The following PLEKHM2 variants were observed in gnomAD, a reference collection of about 807,000 sequenced individuals.
The protein encoded by PLEKHM2 is pleckstrin homology domain-containing family M member 2.
Under a neutral mutation model 116.3 loss-of-function variants are expected in PLEKHM2, and 77 were observed. That is an observed-to-expected ratio of 0.66 (90% CI 0.55 to 0.80). The LOEUF (loss-of-function observed/expected upper bound fraction) is 0.80. Among genes scored for constraint, PLEKHM2 ranks in the 30% least tolerant of loss-of-function variants. The pLI, the probability that PLEKHM2 is intolerant of heterozygous loss-of-function variation, is 0.00. For synonymous variants in PLEKHM2, 562 were observed against 571.0 expected (o/e 0.98, Z 0.22); for missense variants, 1,183 against 1,354.9 (o/e 0.87, Z 1.99).
At chr1:15,710,917 G>A (rs113639621) in intron 1 of PLEKHM2, among the ~76,000 whole-genome samples, 10,224 of 152,168 alleles carry the variant, frequency 0.067, 457 homozygotes, top group Non-Finnish European at 0.096. Flanking sequence ...GCTCATGCCT[G>A]TAATCCCAAC....
chr1:15,713,523 A>T (rs764146835), intron 1 of PLEKHM2, among the ~76,000 whole-genome samples: 8 of 152,146 alleles, frequency 5.3e-5, no homozygotes, highest in Non-Finnish European at 1.5e-5. Flanking sequence ...TAAAAACCAT[A>T]TTGAGGGACT....
Position 15,734,241 on chromosome 1 carries a change from CTGCCG to C in PLEKHM2, c.*308_*312del, listed in dbSNP as rs1395944050. ...GCCTCCGCCTCAGTCTGCAGAATTTCTGCCGAGTGGCACCGAGAACACCATCCATC... is the reference window on the plus strand; with the variant it reads ...GCCTCCGCCTCAGTCTGCAGAATTTCAGTGGCACCGAGAACACCATCCATC... On this transcript the variant is annotated 3_prime_UTR_variant, in exon 20 of 20. Transcript: ENST00000375799. 1 of 370,510 alleles carries C rather than the reference CTGCCG, an allele frequency of 2.7e-6. No individual in the cohort carries two copies. Among genetic ancestry groups the C allele is most frequent in the Admixed American group, 4.6e-5 (1 of 21,666 alleles). 23.0% of individuals were successfully genotyped at this position (370,510 alleles called of 1,614,324 possible). A position where few individuals can be genotyped will look rare whatever the true frequency, so the allele number is the denominator to read the frequency against.
chr1:15,721,243 TCCC>T lies in PLEKHM2; in HGVS notation c.653-85_653-83del. On this transcript the variant is annotated intron_variant, in intron 6 of 19. Transcript: ENST00000375799. The surrounding 1 kb of genome is among the most constrained non-coding windows in gnomAD (Gnocchi z 5.1). Reference sequence around the variant, plus strand: ...TCCTCTCCTATTTTCTCCCCATGTCTCCCACCCCATTTCCCCTCCCCTCCCTCC... The same window carrying T: ...TCCTCTCCTATTTTCTCCCCATGTCTACCCCATTTCCCCTCCCCTCCCTCC... The T allele has an allele frequency of 1.4e-6, 1 of 737,960 alleles. No individual in the cohort carries two copies. Among genetic ancestry groups the T allele is most frequent in the Non-Finnish European group, 2.4e-6 (1 of 419,360 alleles). 45.7% of individuals were successfully genotyped at this position (737,960 alleles called of 1,614,324 possible). A position where few individuals can be genotyped will look rare whatever the true frequency, so the allele number is the denominator to read the frequency against.
Position 15,716,767 on chromosome 1 carries a change from C to T in PLEKHM2, c.228C>T (p.Ala76=), listed in dbSNP as rs2148357749. 1.3e-6 allele frequency: 2 copies of T among 1,578,980 alleles called. No individual in the cohort carries two copies. Among genetic ancestry groups the T allele is most frequent in the Non-Finnish European group, 1.7e-6 (2 of 1,162,338 alleles). The change falls in exon 3 of 20, where the codon GCC becomes GCT. Residue 76 remains alanine, a synonymous_variant. Transcript: ENST00000375799. ...VLVVHFTRRE[A]IKQIEVLQHV... Reference sequence around the variant, plus strand: ...TGGTGCATTTTACTCGGAGAGAGGCCATCAAGCAGATCGAGGTGCTGCAGC... The same window carrying T: ...TGGTGCATTTTACTCGGAGAGAGGCTATCAAGCAGATCGAGGTGCTGCAGC...
chr1:15,684,697 G>GGCGACCCTGCTGCCGCAGGGACTA, intron 1 of PLEKHM2, 79 bp downstream of exon 1: 1 of 795,234 alleles, frequency 1.3e-6, no homozygotes, highest in Non-Finnish European at 1.7e-6. Context: ...CTCCCGGGCC[G>GGCGACCCTGCTGCCGCAGGGACTA]GGGCCCCCCG....
In PLEKHM2 at chr1:15,725,494, A is replaced by G; in HGVS notation, c.890A>G (p.Glu297Gly). 1 of 1,580,736 alleles carries G rather than the reference A, an allele frequency of 6.3e-7. No homozygotes were observed. The highest frequency in any genetic ancestry group is 2.3e-5 in the East Asian group (1 of 42,598). The change falls in exon 8 of 20, where the codon GAG (glutamate) becomes GGG (glycine). Residue 297 changes from glutamate to glycine, a missense_variant. Around this residue, in one of 3 missense-constraint regions of PLEKHM2, gnomAD observed 372 missense variants for 357.2 expected, o/e 1.04. Coordinates refer to ENST00000375799, the MANE Select transcript of PLEKHM2 (RefSeq NM_015164.4). ...CACACCACCTCTCAGGAGAAGGAGG[A>G]GGCCCAGGCCCTGGACCCGCCGGAT... ...PVHTTSQEKE[E>G]AQALDPPDAC...
chr1:15,686,162 T>C (rs6692555), intron 1 of PLEKHM2, among the ~76,000 whole-genome samples: 14,625 of 152,244 alleles, frequency 0.096, 948 homozygotes, highest in African/African-American at 0.18. Flanking sequence ...CTGTCACTTA[T>C]GAGTTAGGTG....
At chr1:15,699,337 C>T (rs1319539927) in intron 1 of PLEKHM2, among the ~76,000 whole-genome samples, 1 of 152,064 alleles carries the variant, frequency 6.6e-6, no homozygotes, top group African/African-American at 2.4e-5. Flanking sequence ...TGCTATGCCT[C>T]CCCCTGCCCC....
intron 1 of PLEKHM2, 79 bp downstream of exon 1, chr1:15,684,697 G>GCGACCCTGCTGCCGCAGGGACTC: frequency 2.5e-6 from 2 of 795,234 alleles, no homozygotes; most frequent in African/African-American, 1.8e-5. Context: ...CTCCCGGGCC[G>GCGACCCTGCTGCCGCAGGGACTC]GGGCCCCCCG....
intron 1 of PLEKHM2, among the ~76,000 whole-genome samples, chr1:15,698,941 G>A (rs1641056088): frequency 1.3e-5 from 2 of 152,050 alleles, no homozygotes; most frequent in Non-Finnish European, 2.9e-5. Flanking sequence ...GGGCTTTCTT[G>A]CTCTATAATT....
At chr1:15,732,108 G>T (rs781066669) in intron 17 of PLEKHM2, 60 bp downstream of exon 17, 4 of 1,508,364 alleles carry the variant, frequency 2.7e-6, no homozygotes, top group East Asian at 2.3e-5. Flanking sequence ...GACCCCCAGG[G>T]TCCCATCCCT....
At position 15,720,355 on chromosome 1, in the gene PLEKHM2, A is replaced by G. The variant is rs1269878729; in HGVS notation, c.652+435A>G. 47 of 985,138 alleles carry G rather than the reference A, an allele frequency of 4.8e-5. 3 individuals are homozygous for G. In the Admixed American group the frequency reaches 2.8e-3, roughly 58 times the overall value. The allele number at this position is 985,138 out of a possible 1,614,324, so 61.0% of individuals were successfully genotyped here. A position where few individuals can be genotyped will look rare whatever the true frequency, so the allele number is the denominator to read the frequency against. On this transcript the variant is annotated intron_variant, in intron 6 of 19. Coordinates refer to ENST00000375799, the MANE Select transcript of PLEKHM2 (RefSeq NM_015164.4). ...CCCCTAGAAGAAGAGAGAACCAGGC[A>G]GGTCTGAAGCGCAGGGAAACCTTGC...
rs1304362354 is a variant in PLEKHM2, at chr1:15,729,195, G to C, written c.2075+5G>C. Reference sequence around the variant, plus strand: ...GGCTGATGTGGCGCTGGCTGAGTGAGTGGCAACCCCGCCCCTCTGGAAGGA... The same window carrying C: ...GGCTGATGTGGCGCTGGCTGAGTGACTGGCAACCCCGCCCCTCTGGAAGGA... On this transcript the variant is annotated splice_donor_5th_base_variant and intron_variant, in intron 13 of 19. Transcript: ENST00000375799. This position sits in a 1 kb window ranked among gnomAD's most constrained non-coding sequence, Gnocchi z 4.7. The C allele has an allele frequency of 1.2e-6, 2 of 1,604,984 alleles. No homozygotes were observed. Among genetic ancestry groups the C allele is most frequent in the Non-Finnish European group, 8.5e-7 (1 of 1,175,540 alleles).
chr1:15,732,300 C>A, intron 17 of PLEKHM2, 50 bp from the exon 18 acceptor site: 3 of 1,447,640 alleles, frequency 2.1e-6, no homozygotes, highest in Non-Finnish European at 2.8e-6. Flanking sequence ...ACTTCTGGTG[C>A]AGACCAGCCC....
At chr1:15,715,157 T>G (rs1018642052) in intron 1 of PLEKHM2, among the ~76,000 whole-genome samples, 2 of 152,106 alleles carry the variant, frequency 1.3e-5, no homozygotes, top group Admixed American at 1.3e-4. Flanking sequence ...GTATTCCATG[T>G]CAAGAAGGCT....
At chr1:15,712,268 A>G (rs1641350756) in intron 1 of PLEKHM2, among the ~76,000 whole-genome samples, 1 of 152,200 alleles carries the variant, frequency 6.6e-6, no homozygotes, top group African/African-American at 2.4e-5. Context: ...TAATCAGAGA[A>G]GTACAATTTA....
At chr1:15,718,101 G>C (rs772031528) in intron 4 of PLEKHM2, 109 bp downstream of exon 4, 10 of 738,622 alleles carry the variant, frequency 1.4e-5, no homozygotes, top group Non-Finnish European at 2.1e-5. Context: ...AGTGATGCCA[G>C]AGAGCCATTA....
intron 1 of PLEKHM2, among the ~76,000 whole-genome samples, chr1:15,715,870 C>T (rs1424309564): frequency 6.6e-6 from 1 of 152,200 alleles, no homozygotes; most frequent in African/African-American, 2.4e-5. Context: ...GTTTGTGTGG[C>T]ATTGGTCTAG....
At position 15,727,845 on chromosome 1, in the gene PLEKHM2, T is replaced by C. The variant is rs1430791478; in HGVS notation, c.1760+13T>C. ...CCTCGGAGTTCAGGTAACAAGACTC[T>C]GCAGCTGGCATGGGACTCTCCCAGC... On this transcript the variant is annotated intron_variant, in intron 9 of 19. Transcript: ENST00000375799. This position sits in a 1 kb window ranked among gnomAD's most constrained non-coding sequence, Gnocchi z 7.5. 3.3e-6 allele frequency: 5 copies of C among 1,536,184 alleles called. No homozygotes were observed. The highest frequency in any genetic ancestry group is 4.4e-6 in the Non-Finnish European group (5 of 1,135,784).
Sources: allele counts gnomAD v4.1 joint callset (sites outside exome capture counted in the v4.1 genomes callset), GRCh38; gene constraint gnomAD v4.1.1; regional missense constraint gnomAD v4.1.1; non-coding constraint Gnocchi (gnomAD v3.1); transcripts MANE v1.5; gene names NCBI Gene and HGNC (gene_info 2026-07-23, HGNC 2026-07-21).